Variants in P2RX5 observed in about 807,000 individuals in gnomAD.
P2RX5 encodes P2X purinoceptor 5.
P2RX5 carries 46 observed loss-of-function variants against 54.1 expected under a neutral mutation model. The observed-to-expected ratio is 0.85, with a 90% CI of 0.67 to 1.09. The LOEUF (loss-of-function observed/expected upper bound fraction) is 1.09. Among genes scored for constraint, P2RX5 ranks in the 50% least tolerant of loss-of-function variants. The pLI, the probability that P2RX5 is intolerant of heterozygous loss-of-function variation, is 0.00. For missense variants in P2RX5, 566 were observed against 549.8 expected (o/e 1.03, Z -0.29); for synonymous variants, 226 against 226.4 (o/e 1.00, Z 0.02).
At chr17:3,699,052 G>GACAGAC (rs1555571232), upstream of P2RX5, among the ~76,000 whole-genome samples, 3 of 40,894 alleles carry the variant, frequency 7.3e-5, no homozygotes, top group African/African-American at 1.4e-4. Context: ...TATATAGACA[G>GACAGAC]ACACACACAC....
chr17:3,690,593 C>A lies in P2RX5; in HGVS notation c.436+12G>T. 6.2e-7 allele frequency: 1 copy of A among 1,613,440 alleles called. No homozygotes were observed. Among genetic ancestry groups the A allele is most frequent in the South Asian group, 1.1e-5 (1 of 91,076 alleles). On this transcript the variant is annotated intron_variant, in intron 4 of 11. Coordinates refer to ENST00000225328, the MANE Select transcript of P2RX5 (RefSeq NM_002561.4). ...AGTCCTCCTTCAGCCCGTGGCCGCT[C>A]CAGGCCCTCACCGTTTCCAGCTGTA...
intron 9 of P2RX5, among the ~76,000 whole-genome samples, chr17:3,685,779 GC>G (rs1555569545): frequency 2.0e-4 from 2 of 9,830 alleles, no homozygotes; most frequent in Non-Finnish European, 1.0e-3. Context: ...AACGTCCCCC[GC>G]CCCCCGCCCA....
In P2RX5 at chr17:3,695,821, C is replaced by G. The variant is rs558854970; in HGVS notation, c.137+48G>C. On this transcript the variant is annotated intron_variant, in intron 1 of 11. Transcript: ENST00000225328. ...CTGGAGAAGGACGCGGCGGCTGGCA[C>G]CCGCCCTGCCCCTCCCCCGCCTTCC... The G allele has an allele frequency of 5.3e-3, 8,285 of 1,577,488 alleles. 42 individuals carry two copies. Among genetic ancestry groups the G allele is most frequent in the Middle Eastern group, 0.016 (94 of 5,966 alleles).
In P2RX5 at chr17:3,688,082, G is replaced by T. The variant is rs1364110535; in HGVS notation, c.911C>A (p.Ala304Glu). Residue 304 changes from alanine (A) to glutamate (E), a missense_variant, in exon 9 of 12, where the codon GCA becomes GAA. Physicochemically the swap from Ala to Glu is moderately radical, Grantham distance 107. Transcript: ENST00000225328. ...CAGGGTGCGGAACTCCACCCCGGCTGCGTCTCGGTAATATCTGGCAAATCT... is the reference window on the plus strand; with the variant it reads ...CAGGGTGCGGAACTCCACCCCGGCTTCGTCTCGGTAATATCTGGCAAATCT... ...NFRFARYYRD[A>E]AGVEFRTLMK... 1 of 1,604,720 alleles carries T rather than the reference G, an allele frequency of 6.2e-7. No homozygotes were observed. The highest frequency in any genetic ancestry group is 1.7e-5 in the Admixed American group (1 of 59,464).
At chr17:3,702,678 A>C in the P2RX5 span, among the ~76,000 whole-genome samples, 1 of 152,204 alleles carries the variant, frequency 6.6e-6, no homozygotes, top group South Asian at 2.1e-4. Flanking sequence ...GAACATCAGA[A>C]GGAACAAACT....
chr17:3,700,966 T>TCACAACCC (rs2050812305), upstream of P2RX5, among the ~76,000 whole-genome samples: 4 of 152,074 alleles, frequency 2.6e-5, no homozygotes, highest in African/African-American at 9.7e-5. Context: ...TTCAGAGCAG[T>TCACAACCC]CACAACCCCC....
At chr17:3,681,838 G>T in intron 10 of P2RX5, 58 bp downstream of exon 10, 1 of 1,178,144 alleles carries the variant, frequency 8.5e-7, no homozygotes, top group Non-Finnish European at 1.3e-6. Flanking sequence ...AAGGCTCGAA[G>T]CCACGGGGGT....
chr17:3,701,415 G>A, the P2RX5 span, among the ~76,000 whole-genome samples: 4 of 152,116 alleles, frequency 2.6e-5, no homozygotes, highest in African/African-American at 7.2e-5. Flanking sequence ...TTCTAAGTCC[G>A]GGCGTGATGG....
chr17:3,684,832 C>G (rs562465109), intron 9 of P2RX5, among the ~76,000 whole-genome samples: 1 of 131,858 alleles, frequency 7.6e-6, no homozygotes, highest in African/African-American at 2.6e-5. Context: ...CTAATCCTGC[C>G]CCCTTTTTTT....
At position 3,673,593 on chromosome 17, in the gene P2RX5, C is replaced by G; in HGVS notation, c.*275G>C. ...GAAGTCATGTTCCCCATTTACAACC[C>G]GTTCCCTAGTGCGGGAAGCCAGCCA... On this transcript the variant is annotated 3_prime_UTR_variant, in exon 12 of 12. Coordinates refer to ENST00000225328, the MANE Select transcript of P2RX5 (RefSeq NM_002561.4). The G allele has an allele frequency of 2.1e-6, 3 of 1,401,010 alleles. No individual in the cohort carries two copies. The highest frequency in any genetic ancestry group is 1.9e-6 in the Non-Finnish European group (2 of 1,078,252). 86.8% of individuals were successfully genotyped at this position (1,401,010 alleles called of 1,614,324 possible). A position where few individuals can be genotyped will look rare whatever the true frequency, so the allele number is the denominator to read the frequency against.
At chr17:3,701,712 A>ATAAAAAAT in the P2RX5 span, among the ~76,000 whole-genome samples, 1 of 148,878 alleles carries the variant, frequency 6.7e-6, no homozygotes, top group South Asian at 2.1e-4. Context: ...AAAAAAAAAA[A>ATAAAAAAT]AAAAAAAGGA....
At chr17:3,701,916 C>T in the P2RX5 span, among the ~76,000 whole-genome samples, 6 of 151,650 alleles carry the variant, frequency 4.0e-5, no homozygotes, top group Non-Finnish European at 5.9e-5. Flanking sequence ...CCACCATGCC[C>T]GGCGGTGAGT....
In P2RX5 at chr17:3,689,682, C is replaced by T. The variant is rs373165582; in HGVS notation, c.615-52G>A. On this transcript the variant is annotated intron_variant, in intron 6 of 11. Coordinates refer to ENST00000225328, the MANE Select transcript of P2RX5 (RefSeq NM_002561.4). ...AAATGAAGTAAGACTTGATGTTTCC[C>T]GGCCTGGCCAGGAGTCACTCGGTCC... 99 of 1,611,548 alleles carry T rather than the reference C, an allele frequency of 6.1e-5. 3 individuals carry two copies. The highest frequency in any genetic ancestry group is 6.3e-5 in the Non-Finnish European group (74 of 1,178,592).
chr17:3,674,500 G>A (rs1597687369), intron 11 of P2RX5, among the ~76,000 whole-genome samples: 2 of 152,164 alleles, frequency 1.3e-5, no homozygotes, highest in African/African-American at 4.8e-5. Context: ...TTCTGAGCAC[G>A]GGGCCCCTGA....
At chr17:3,717,759 C>T in the P2RX5 span, 1 of 152,148 alleles carries the variant, frequency 6.6e-6, no homozygotes, top group Non-Finnish European at 1.5e-5. Context: ...ACCTTCCAGT[C>T]CTATTTAGCT....
chr17:3,690,690 G>T lies in P2RX5; in HGVS notation c.361-10C>A. Reference sequence around the variant, plus strand: ...CAGGAATGCCTTCATTCTGCCAGGAGAGAAGGGGCACCTGGATGGGGGGGT... The same window carrying T: ...CAGGAATGCCTTCATTCTGCCAGGATAGAAGGGGCACCTGGATGGGGGGGT... On this transcript the variant is annotated splice_polypyrimidine_tract_variant and intron_variant, in intron 3 of 11. Coordinates refer to ENST00000225328, the MANE Select transcript of P2RX5 (RefSeq NM_002561.4). 1 of 1,612,750 alleles carries T rather than the reference G, an allele frequency of 6.2e-7. No homozygotes were observed. Among genetic ancestry groups the T allele is most frequent in the South Asian group, 1.1e-5 (1 of 91,082 alleles).
chr17:3,675,591 G>A lies in P2RX5; in HGVS notation c.1260-1714C>T, dbSNP rs375736613. 2.3e-4 allele frequency: 221 copies of A among 975,406 alleles called. 1 individual carries two copies. The South Asian group carries it at 7.4e-3, about 33-fold the overall frequency. The allele number at this position is 975,406 out of a possible 1,614,324, so 60.4% of individuals were successfully genotyped here. A position where few individuals can be genotyped will look rare whatever the true frequency, so the allele number is the denominator to read the frequency against. ...TTTTTTGAGACTGAGTCTCACTGTC[G>A]CCCAGGCCAGAGTGCAGTGGTATGA... On this transcript the variant is annotated intron_variant, in intron 11 of 11. Transcript: ENST00000225328.
At chr17:3,715,331 A>T in the P2RX5 span, among the ~76,000 whole-genome samples, 1 of 152,214 alleles carries the variant, frequency 6.6e-6, no homozygotes, top group African/African-American at 2.4e-5. Flanking sequence ...ATCATCTAGT[A>T]GGAAAAAGAG....
the P2RX5 span, among the ~76,000 whole-genome samples, chr17:3,709,588 T>A: frequency 6.6e-6 from 1 of 152,114 alleles, no homozygotes; most frequent in African/African-American, 2.4e-5. Context: ...GGTAACAAGG[T>A]GAGACCCCAG....
Sources: gnomAD v4.1 joint callset for allele counts (sites outside exome capture counted in the v4.1 genomes callset) on GRCh38, gnomAD v4.1.1 for gene constraint, MANE v1.5 for transcripts, NCBI Gene and HGNC (gene_info 2026-07-23, HGNC 2026-07-21) for gene names.